The following NALCN variants were observed in gnomAD, a reference collection of about 807,000 sequenced individuals.
NALCN encodes sodium leak channel NALCN.
Under a neutral mutation model 225.3 loss-of-function variants are expected in NALCN, and 111 were observed. The observed-to-expected ratio is 0.49, with a 90% CI of 0.42 to 0.58. The LOEUF (loss-of-function observed/expected upper bound fraction) is 0.58. NALCN is among the 20% of genes least tolerant of loss of function. The probability of loss-of-function intolerance (pLI) is 0.00; values close to 1 mark genes in which losing one functional copy is unlikely to be tolerated. For synonymous variants in NALCN, 764 were observed against 769.0 expected (o/e 0.99, Z 0.11); for missense variants, 1,378 against 2,202.4 (o/e 0.63, Z 7.49).
intron 17 of NALCN, among the ~76,000 whole-genome samples, chr13:101,135,595 T>C (rs567565128): frequency 2.0e-5 from 3 of 152,278 alleles, no homozygotes; most frequent in Non-Finnish European, 4.4e-5. Flanking sequence ...GGTTTCACCA[T>C]GTTGCCCAGG....
chr13:101,234,241 T>C (rs568613624), intron 12 of NALCN, among the ~76,000 whole-genome samples: 50 of 152,370 alleles, frequency 3.3e-4, no homozygotes, highest in Non-Finnish European at 6.9e-4. Flanking sequence ...CTTCATAAAA[T>C]GGGAATCCTC....
At position 101,144,661 on chromosome 13, in the gene NALCN, C is replaced by G. The variant is rs780794363; in HGVS notation, c.1976+99G>C. On this transcript the variant is annotated intron_variant, in intron 16 of 43. Coordinates refer to ENST00000251127, the MANE Select transcript of NALCN (RefSeq NM_052867.4). ...AGATGACAATAAAATAGAAAGAAAC[C>G]CAACCCACATATACTTAAAAGAAGG... The G allele has an allele frequency of 3.8e-4, 464 of 1,228,782 alleles. 1 individual carries two copies. Among genetic ancestry groups the G allele is most frequent in the Middle Eastern group, 5.9e-4 (2 of 3,392 alleles). 76.1% of individuals were successfully genotyped at this position (1,228,782 alleles called of 1,614,324 possible).
At chr13:101,346,834 G>A (rs113543915) in intron 6 of NALCN, among the ~76,000 whole-genome samples, 18 of 152,158 alleles carry the variant, frequency 1.2e-4, no homozygotes, top group African/African-American at 3.1e-4. Context: ...TTGAGCAGAC[G>A]CCAAAGTCTG....
chr13:101,119,198 G>T (rs905384685), intron 18 of NALCN, among the ~76,000 whole-genome samples: 1 of 152,030 alleles, frequency 6.6e-6, no homozygotes. Flanking sequence ...AATACATAGT[G>T]ATTATATATA....
At chr13:101,198,760 T>A (rs937626892) in intron 13 of NALCN, among the ~76,000 whole-genome samples, 22 of 152,254 alleles carry the variant, frequency 1.4e-4, no homozygotes, top group Non-Finnish European at 2.5e-4. Context: ...AGAACTAGAA[T>A]TACCATTTGA....
chr13:101,270,733 A>G (rs1055478661), intron 10 of NALCN, among the ~76,000 whole-genome samples: 73 of 152,202 alleles, frequency 4.8e-4, no homozygotes, highest in African/African-American at 1.7e-3. Context: ...AAGGCATCAT[A>G]TTGCTGCTCC....
intron 14 of NALCN, among the ~76,000 whole-genome samples, chr13:101,185,487 T>A (rs1231182588): frequency 2.0e-5 from 3 of 152,194 alleles, no homozygotes. Context: ...TTTCAACTTG[T>A]TAGGTCTTCC....
At chr13:101,318,118 G>A (rs938568000) in intron 7 of NALCN, among the ~76,000 whole-genome samples, 2 of 152,062 alleles carry the variant, frequency 1.3e-5, no homozygotes, top group African/African-American at 2.4e-5. Context: ...TTCACCAGCC[G>A]GAAACCTCTG....
At chr13:101,352,408 T>G (rs2045932124) in intron 6 of NALCN, among the ~76,000 whole-genome samples, 1 of 151,974 alleles carries the variant, frequency 6.6e-6, no homozygotes, top group Non-Finnish European at 1.5e-5. Flanking sequence ...AGCATAACAT[T>G]CTGGAAAGTG....
At chr13:101,323,321 A>G (rs1271996415) in intron 7 of NALCN, among the ~76,000 whole-genome samples, 2 of 152,186 alleles carry the variant, frequency 1.3e-5, no homozygotes, top group African/African-American at 4.8e-5. Context: ...AACTAGAATA[A>G]ATGTCTCAGC....
intron 18 of NALCN, among the ~76,000 whole-genome samples, chr13:101,119,320 G>T (rs896769176): frequency 6.6e-6 from 1 of 152,044 alleles, no homozygotes; most frequent in Non-Finnish European, 1.5e-5. Flanking sequence ...TTTTTCTGTA[G>T]TAAGTAGCAC....
chr13:101,067,197 G>T (rs1160452098), intron 39 of NALCN, among the ~76,000 whole-genome samples: 1 of 148,278 alleles, frequency 6.7e-6, no homozygotes, highest in Admixed American at 6.8e-5. Context: ...AGGAGGAGGT[G>T]GGGGAGGAGA....
chr13:101,087,096 TA>T (rs955063538), intron 30 of NALCN, among the ~76,000 whole-genome samples: 1 of 152,150 alleles, frequency 6.6e-6, no homozygotes, highest in Non-Finnish European at 1.5e-5. Context: ...GTTAGGTTAA[TA>T]AATCAAACAC....
intron 11 of NALCN, among the ~76,000 whole-genome samples, chr13:101,255,576 T>C (rs2042204650): frequency 6.6e-6 from 1 of 152,214 alleles, no homozygotes; most frequent in African/African-American, 2.4e-5. Context: ...CATTTCTGCT[T>C]TTGTTTCCTG....
At chr13:101,215,775 T>C (rs2040707163) in intron 13 of NALCN, among the ~76,000 whole-genome samples, 2 of 152,156 alleles carry the variant, frequency 1.3e-5, no homozygotes, top group African/African-American at 4.8e-5. Context: ...TACATATGTA[T>C]ACATGTGCCA....
At chr13:101,244,259 G>T (rs1010247209) in intron 11 of NALCN, among the ~76,000 whole-genome samples, 2 of 151,968 alleles carry the variant, frequency 1.3e-5, no homozygotes, top group African/African-American at 2.4e-5. Flanking sequence ...CCAATAGATT[G>T]TCTAATTATG....
intron 27 of NALCN, among the ~76,000 whole-genome samples, chr13:101,097,706 T>A (rs911377879): frequency 2.0e-5 from 3 of 152,200 alleles, no homozygotes; most frequent in African/African-American, 7.2e-5. Context: ...CTAGGATGTG[T>A]CTGATTCCTC....
Position 101,074,714 on chromosome 13 carries a change from C to G in NALCN, c.3955-52G>C, listed in dbSNP as rs55897696. ...AGACAGAGAGAGAGAGAGAGAGAGA[C>G]AGAGACAGAGAGAGAGAGAGAGAGA... On this transcript the variant is annotated intron_variant, in intron 35 of 43. Transcript: ENST00000251127. The G allele has an allele frequency of 1.1e-3, 1,347 of 1,223,034 alleles. 2 individuals are homozygous for G. The African/African-American group carries it at 0.022, about 20-fold the overall frequency. The allele number at this position is 1,223,034 out of a possible 1,614,324, so 75.8% of individuals were successfully genotyped here.
chr13:101,064,677 C>T (rs1331348012), intron 40 of NALCN, among the ~76,000 whole-genome samples: 1 of 152,050 alleles, frequency 6.6e-6, no homozygotes, highest in African/African-American at 2.4e-5. Flanking sequence ...CTCCAGCAGC[C>T]AGGGGAGAGG....
Sources: allele counts gnomAD v4.1 joint callset (sites outside exome capture counted in the v4.1 genomes callset), GRCh38; gene constraint gnomAD v4.1.1; transcripts MANE v1.5; gene names NCBI Gene and HGNC (gene_info 2026-07-23, HGNC 2026-07-21).